BTBD9: variants seen among roughly 807,000 people sequenced by gnomAD.
BTBD9 encodes BTB domain containing 9, also known as BTB/POZ domain-containing protein 9.
In BTBD9, 49 loss-of-function variants were observed where a neutral mutation model predicts 64.3. The observed-to-expected ratio is 0.76, with a 90% CI of 0.61 to 0.97. The LOEUF (loss-of-function observed/expected upper bound fraction) is 0.97, where lower values mean the gene tolerates loss of function less well. BTBD9 is among the 50% of genes least tolerant of loss of function. BTBD9 has a pLI of 0.00. For missense variants in BTBD9, 598 were observed against 762.1 expected, an observed-to-expected ratio of 0.78 and a Z score of 2.53; for synonymous variants, 260 against 274.7, an observed-to-expected ratio of 0.95 and a Z score of 0.53.
chr6:38,481,488 G>T (rs1298785566), intron 6 of BTBD9, among the ~76,000 whole-genome samples: 1 of 152,194 alleles, frequency 6.6e-6, no homozygotes, highest in Non-Finnish European at 1.5e-5. Flanking sequence ...GCATTTTAAT[G>T]AGTCTAGAGA....
At chr6:38,363,191 G>A (rs1217365537) in intron 6 of BTBD9, among the ~76,000 whole-genome samples, 1 of 152,106 alleles carries the variant, frequency 6.6e-6, no homozygotes, top group Non-Finnish European at 1.5e-5. Context: ...TGGGCTCAAC[G>A]ATTCCACCTG....
At chr6:38,481,303 A>T (rs1470404178) in intron 6 of BTBD9, among the ~76,000 whole-genome samples, 1 of 152,214 alleles carries the variant, frequency 6.6e-6, no homozygotes, top group Non-Finnish European at 1.5e-5. Flanking sequence ...TTTCTGAATG[A>T]GAGCTGAGTA....
intron 6 of BTBD9, among the ~76,000 whole-genome samples, chr6:38,479,242 C>T (rs919907198): frequency 2.0e-5 from 3 of 152,104 alleles, no homozygotes; most frequent in African/African-American, 7.2e-5. Flanking sequence ...AGACACACAA[C>T]CCCTCCAGCT....
intron 6 of BTBD9, among the ~76,000 whole-genome samples, chr6:38,542,395 CTCAT>C (rs922019551): frequency 1.5e-4 from 23 of 152,248 alleles, no homozygotes; most frequent in African/African-American, 5.1e-4. Context: ...GTCTCCCTCT[CTCAT>C]TCTCTCCTCT....
intron 6 of BTBD9, among the ~76,000 whole-genome samples, chr6:38,490,665 A>T (rs899213575): frequency 6.6e-6 from 1 of 152,180 alleles, no homozygotes; most frequent in Non-Finnish European, 1.5e-5. Flanking sequence ...ATGTGAAAGA[A>T]GGGAAGTCAG....
intron 4 of BTBD9, among the ~76,000 whole-genome samples, chr6:38,590,816 G>A (rs1260700521): frequency 1.3e-5 from 2 of 152,126 alleles, no homozygotes; most frequent in Non-Finnish European, 2.9e-5. Flanking sequence ...TAAAATAATG[G>A]TGCCTGAGAA....
At chr6:38,422,083 A>C (rs951647103) in intron 6 of BTBD9, among the ~76,000 whole-genome samples, 2 of 152,186 alleles carry the variant, frequency 1.3e-5, no homozygotes, top group African/African-American at 4.8e-5. Context: ...TTTCTAAACC[A>C]GGGGTTTTCA....
intron 6 of BTBD9, among the ~76,000 whole-genome samples, chr6:38,392,660 C>T (rs1034961859): frequency 6.6e-6 from 1 of 152,036 alleles, no homozygotes; most frequent in African/African-American, 2.4e-5. Flanking sequence ...TCCAACAACA[C>T]GTAGCAAGAA....
chr6:38,266,663 AAAGAAAGAAAGAAAG>A (rs1423344233), intron 8 of BTBD9, among the ~76,000 whole-genome samples: 24 of 128,864 alleles, frequency 1.9e-4, no homozygotes, highest in East Asian at 1.2e-3. Flanking sequence ...AGAAAGAAAG[AAAGAAAGAAAGAAAG>A]AAGAAAAAGA....
chr6:38,424,035 G>C (rs899090846), intron 6 of BTBD9, among the ~76,000 whole-genome samples: 1 of 151,872 alleles, frequency 6.6e-6, no homozygotes, highest in East Asian at 1.9e-4. Context: ...AATTACTGGA[G>C]ATATGTATTC....
At chr6:38,470,533 G>A (rs1770604118) in intron 6 of BTBD9, among the ~76,000 whole-genome samples, 1 of 152,182 alleles carries the variant, frequency 6.6e-6, no homozygotes, top group African/African-American at 2.4e-5. Context: ...TCAGAAAAAA[G>A]GACCTTTGTG....
intron 9 of BTBD9, among the ~76,000 whole-genome samples, chr6:38,236,195 C>T (rs1051058107): frequency 2.6e-5 from 4 of 152,212 alleles, no homozygotes; most frequent in African/African-American, 9.6e-5. Context: ...ATGCGTTTCT[C>T]CTCTTCATCC....
intron 6 of BTBD9, among the ~76,000 whole-genome samples, chr6:38,513,231 G>A (rs1285196566): frequency 6.6e-6 from 1 of 151,882 alleles, no homozygotes; most frequent in Non-Finnish European, 1.5e-5. Context: ...CGAGGGGAGT[G>A]GATCAGGAGT....
intron 9 of BTBD9, among the ~76,000 whole-genome samples, chr6:38,219,129 C>CTTTTTTTT (rs5875622): frequency 5.6e-4 from 40 of 70,864 alleles, no homozygotes; most frequent in African/African-American, 1.2e-3. Context: ...ACTTTCTTTT[C>CTTTTTTTT]TTTTTTTTTT....
At chr6:38,533,366 A>C (rs1488445503) in intron 6 of BTBD9, among the ~76,000 whole-genome samples, 1 of 152,206 alleles carries the variant, frequency 6.6e-6, no homozygotes, top group African/African-American at 2.4e-5. Context: ...GGGTATAACA[A>C]TTATAAATAT....
intron 6 of BTBD9, among the ~76,000 whole-genome samples, chr6:38,375,922 A>G (rs1765666549): frequency 7.0e-6 from 1 of 143,276 alleles, no homozygotes; most frequent in South Asian, 2.4e-4. Flanking sequence ...AAAGAAAGAA[A>G]GAAAGAAAGA....
At chr6:38,416,337 C>CTTT (rs35793205) in intron 6 of BTBD9, among the ~76,000 whole-genome samples, 1 of 138,562 alleles carries the variant, frequency 7.2e-6, no homozygotes, top group Non-Finnish European at 1.6e-5. Flanking sequence ...CCCCTCTGTA[C>CTTT]TTTTTTTTTT....
At chr6:38,511,365 C>T (rs1467254544) in intron 6 of BTBD9, among the ~76,000 whole-genome samples, 1 of 117,412 alleles carries the variant, frequency 8.5e-6, no homozygotes, top group Non-Finnish European at 1.7e-5. Context: ...TTTTTTGAGA[C>T]AGGGTCTCAC....
At chr6:38,328,595 G>A (rs1763535300) in intron 7 of BTBD9, among the ~76,000 whole-genome samples, 1 of 150,902 alleles carries the variant, frequency 6.6e-6, no homozygotes, top group Admixed American at 6.6e-5. Context: ...GTGTGTGTGT[G>A]TGTGTGTGTG....
Sources: allele counts gnomAD v4.1 joint callset (sites outside exome capture counted in the v4.1 genomes callset), GRCh38; gene constraint gnomAD v4.1.1; transcripts MANE v1.5; gene names NCBI Gene and HGNC (gene_info 2026-07-23, HGNC 2026-07-21).